The following DPYSL3 variants were observed in gnomAD, a reference collection of about 807,000 sequenced individuals.
The protein encoded by DPYSL3 is dihydropyrimidinase like 3.
Under a neutral mutation model 66.1 loss-of-function variants are expected in DPYSL3, and 16 were observed. That is an observed-to-expected ratio of 0.24 (90% CI 0.16 to 0.37). DPYSL3 has a LOEUF of 0.37. Among genes scored for constraint, DPYSL3 ranks in the 10% least tolerant of loss-of-function variants. DPYSL3 has a pLI of 1.00. For missense variants in DPYSL3, 738 were observed against 916.2 expected (o/e 0.81, Z 2.51); for synonymous variants, 338 against 345.1 (o/e 0.98, Z 0.23).
At chr5:147,490,886 G>T (rs562589842) in intron 1 of DPYSL3, among the ~76,000 whole-genome samples, 1 of 152,152 alleles carries the variant, frequency 6.6e-6, no homozygotes, top group Non-Finnish European at 1.5e-5. Flanking sequence ...GCAGGGTGGT[G>T]CGGCAGGAGC....
At chr5:147,450,961 T>TA (rs1752717262) in intron 1 of DPYSL3, among the ~76,000 whole-genome samples, 1 of 152,238 alleles carries the variant, frequency 6.6e-6, no homozygotes, top group Non-Finnish European at 1.5e-5. Context: ...ATGTTATACT[T>TA]AGATCTTTAA....
chr5:147,478,472 A>G (rs1028731604), intron 1 of DPYSL3, among the ~76,000 whole-genome samples: 3 of 152,186 alleles, frequency 2.0e-5, no homozygotes, highest in African/African-American at 7.2e-5. Context: ...GGCAGCCAAG[A>G]GAGTCCAAGA....
At chr5:147,508,584 GTC>G (rs1753714309) in intron 1 of DPYSL3, among the ~76,000 whole-genome samples, 2 of 152,132 alleles carry the variant, frequency 1.3e-5, no homozygotes, top group African/African-American at 4.8e-5. Context: ...ACATCTCTGA[GTC>G]TCTGTGAAAT....
chr5:147,399,280 T>C (rs1320293900), intron 10 of DPYSL3, 28 bp from the exon 11 acceptor site: 5 of 1,607,006 alleles, frequency 3.1e-6, no homozygotes, highest in East Asian at 2.2e-5. Flanking sequence ...ATTATATCTA[T>C]ATCTATAGCT....
chr5:147,410,069 C>A (rs1007586310), intron 6 of DPYSL3, among the ~76,000 whole-genome samples: 7 of 152,182 alleles, frequency 4.6e-5, no homozygotes, highest in Non-Finnish European at 1.0e-4. Context: ...TCTTACCATT[C>A]TCACTTATTG....
chr5:147,434,230 A>G (rs1338892806), intron 1 of DPYSL3, among the ~76,000 whole-genome samples: 1 of 152,246 alleles, frequency 6.6e-6, no homozygotes, highest in East Asian at 1.9e-4. Context: ...ACCAGAGTAT[A>G]AAGTCCAGTA....
At chr5:147,443,593 G>GTT (rs541962514) in intron 1 of DPYSL3, among the ~76,000 whole-genome samples, 22 of 143,134 alleles carry the variant, frequency 1.5e-4, no homozygotes, top group Admixed American at 2.1e-4. Flanking sequence ...CATGTATCCC[G>GTT]TTTTTTTTTT....
In DPYSL3 at chr5:147,397,795, C is replaced by A; in HGVS notation, c.1674G>T (p.Leu558=). 6.2e-7 allele frequency: 1 copy of A among 1,613,978 alleles called. No individual in the cohort carries two copies. The highest frequency in any genetic ancestry group is 1.7e-5 in the Admixed American group (1 of 60,014). The change falls in exon 12 of 14, where the codon CTG becomes CTT. Residue 558 remains leucine (L), a synonymous_variant. Coordinates refer to ENST00000343218, the MANE Select transcript of DPYSL3 (RefSeq NM_001197294.2). The part of the protein sequence containing the change: ...FEGMELRGAP[L]VVICQGKIML... ...TGATCTTGCCCTGGCAGATGACAAC[C>A]AGAGGAGCCCCGCGCAGCTCCATCC... is the stretch of plus-strand genomic sequence containing the variant.
chr5:147,501,158 G>C (rs1468540104), intron 1 of DPYSL3, among the ~76,000 whole-genome samples: 1 of 152,172 alleles, frequency 6.6e-6, no homozygotes, highest in Non-Finnish European at 1.5e-5. Context: ...AAGCCATGTA[G>C]AGACGTGGGG....
intron 7 of DPYSL3, among the ~76,000 whole-genome samples, chr5:147,407,247 A>G (rs1207498475): frequency 6.6e-6 from 1 of 152,080 alleles, no homozygotes; most frequent in Non-Finnish European, 1.5e-5. Flanking sequence ...TGACAACATG[A>G]CTATCTTTGG....
At chr5:147,503,494 C>G (rs572196648) in intron 1 of DPYSL3, among the ~76,000 whole-genome samples, 2 of 152,078 alleles carry the variant, frequency 1.3e-5, no homozygotes, top group Admixed American at 1.3e-4. Flanking sequence ...AAGTGTTCTA[C>G]GTTGCCCAGT....
At chr5:147,459,283 AT>A (rs1247148013) in intron 1 of DPYSL3, among the ~76,000 whole-genome samples, 1 of 152,202 alleles carries the variant, frequency 6.6e-6, no homozygotes, top group Admixed American at 6.5e-5. Flanking sequence ...CTTGGTCCTG[AT>A]TTGAAAAATT....
intron 5 of DPYSL3, among the ~76,000 whole-genome samples, 188 bp from the exon 6 acceptor site, chr5:147,412,876 TG>T (rs1023408258): frequency 1.3e-5 from 2 of 152,196 alleles, no homozygotes; most frequent in African/African-American, 4.8e-5. Context: ...CAGGAAACTC[TG>T]ACTATATAAA....
At chr5:147,413,546 A>T in intron 5 of DPYSL3, 50 bp downstream of exon 5, 1 of 1,461,548 alleles carries the variant, frequency 6.8e-7, no homozygotes, top group Middle Eastern at 1.7e-4. Flanking sequence ...ATCAACAACA[A>T]TAGGAAACCC....
chr5:147,482,364 G>A (rs1490515058), intron 1 of DPYSL3, among the ~76,000 whole-genome samples: 1 of 152,228 alleles, frequency 6.6e-6, no homozygotes, highest in Admixed American at 6.5e-5. Flanking sequence ...TGGTGGATCT[G>A]AGTGTTCAAA....
chr5:147,401,187 T>G (rs1461605599), intron 9 of DPYSL3, among the ~76,000 whole-genome samples: 1 of 152,248 alleles, frequency 6.6e-6, no homozygotes, highest in Non-Finnish European at 1.5e-5. Context: ...GCAAATGATT[T>G]AGCTTCTCTG....
chr5:147,503,379 G>A (rs1264919399), intron 1 of DPYSL3, among the ~76,000 whole-genome samples: 2 of 152,026 alleles, frequency 1.3e-5, no homozygotes, highest in African/African-American at 4.8e-5. Flanking sequence ...CTGCAACCTC[G>A]ACTTTTCAGG....
In DPYSL3 at chr5:147,494,837, C is replaced by T. The variant is rs565008074; in HGVS notation, c.381+14641G>A. Among the ~76,000 whole-genome samples, 3 of 150,682 alleles carry T rather than the reference C, an allele frequency of 2.0e-5. No individual in the cohort carries two copies. The South Asian group carries it at 6.3e-4, about 32-fold the overall frequency. On this transcript the variant is annotated intron_variant, in intron 1 of 13. Coordinates refer to ENST00000343218, the MANE Select transcript of DPYSL3 (RefSeq NM_001197294.2). ...GAGCTTGCAGTGAGCCGAGATCGCG[C>T]CACTGCACTCCAGCCTGGGTGACAG... is the stretch of plus-strand genomic sequence containing the variant.
intron 8 of DPYSL3, 25 bp from the exon 9 acceptor site, chr5:147,401,721 G>C: frequency 6.2e-7 from 1 of 1,613,622 alleles, no homozygotes; most frequent in African/African-American, 1.3e-5. Context: ...AAACAGACAA[G>C]GGGTTAGCAT....
Sources: gnomAD v4.1 joint callset for allele counts (sites outside exome capture counted in the v4.1 genomes callset) on GRCh38, gnomAD v4.1.1 for gene constraint, MANE v1.5 for transcripts, NCBI Gene and HGNC (gene_info 2026-07-23, HGNC 2026-07-21) for gene names.